Variants in PTPRT observed in about 807,000 individuals in gnomAD.
PTPRT encodes protein tyrosine phosphatase receptor type T.
PTPRT carries 56 observed loss-of-function variants against 176.8 expected under a neutral mutation model. That is an observed-to-expected ratio of 0.32 (90% CI 0.26 to 0.40). The LOEUF (loss-of-function observed/expected upper bound fraction) is 0.40. PTPRT is among the 10% of genes least tolerant of loss of function. The pLI is 1.00. For missense variants in PTPRT, 1,540 were observed against 1,908.2 expected, an observed-to-expected ratio of 0.81 and a Z score of 3.60; for synonymous variants, 783 against 739.0, an observed-to-expected ratio of 1.06 and a Z score of -0.96.
chr20:42,893,105 A>C (rs2079223887), intron 1 of PTPRT, among the ~76,000 whole-genome samples: 1 of 152,150 alleles, frequency 6.6e-6, no homozygotes, highest in Admixed American at 6.5e-5. Context: ...AAATTTTCGC[A>C]ACCTACTCAT....
chr20:42,765,116 C>T (rs1034713026), intron 5 of PTPRT, among the ~76,000 whole-genome samples: 7 of 151,840 alleles, frequency 4.6e-5, no homozygotes, highest in African/African-American at 1.5e-4. Context: ...TGTCTGAAAA[C>T]ATACACTGTC....
intron 1 of PTPRT, among the ~76,000 whole-genome samples, chr20:43,083,367 T>TATATATATAC (rs2011517626): frequency 8.5e-6 from 1 of 116,998 alleles, no homozygotes; most frequent in Non-Finnish European, 1.7e-5. Context: ...TATATATATA[T>TATATATATAC]ATACATTTTT....
chr20:43,090,559 C>T (rs1040316088), intron 1 of PTPRT, among the ~76,000 whole-genome samples: 26 of 151,928 alleles, frequency 1.7e-4, no homozygotes, highest in South Asian at 6.2e-4. Context: ...TGAGCCACCG[C>T]GCCCAGCCAC....
chr20:42,899,762 T>C (rs946569640), intron 1 of PTPRT, among the ~76,000 whole-genome samples: 15 of 152,152 alleles, frequency 9.9e-5, no homozygotes, highest in African/African-American at 3.6e-4. Context: ...ATGAATGAAA[T>C]AGAATATGAT....
At chr20:42,833,604 A>C (rs968129559) in intron 2 of PTPRT, among the ~76,000 whole-genome samples, 4 of 151,854 alleles carry the variant, frequency 2.6e-5, no homozygotes, top group Non-Finnish European at 2.9e-5. Flanking sequence ...AAAAGACTAA[A>C]CATTTACAAG....
chr20:42,200,765 G>C (rs953323251), intron 15 of PTPRT, among the ~76,000 whole-genome samples: 2 of 152,104 alleles, frequency 1.3e-5, no homozygotes, highest in African/African-American at 4.8e-5. Flanking sequence ...CACATGAAAG[G>C]CTATAGGTTA....
chr20:42,771,640 G>T, intron 4 of PTPRT, 90 bp from the exon 5 acceptor site: 1 of 1,015,980 alleles, frequency 9.8e-7, no homozygotes, highest in Non-Finnish European at 1.5e-6. Flanking sequence ...GATGGGCACT[G>T]GGCAGGGTGG....
chr20:42,210,831 T>G (rs2055605201), intron 15 of PTPRT, among the ~76,000 whole-genome samples: 1 of 152,150 alleles, frequency 6.6e-6, no homozygotes, highest in South Asian at 2.1e-4. Context: ...AGAGCCCACA[T>G]CGCCAAGTCA....
intron 6 of PTPRT, among the ~76,000 whole-genome samples, chr20:42,699,629 G>A (rs953925925): frequency 1.3e-5 from 2 of 152,162 alleles, no homozygotes; most frequent in African/African-American, 4.8e-5. Context: ...AAAGACTTTA[G>A]TGTGGGAAAC....
At chr20:42,107,484 T>C (rs145522624) in intron 23 of PTPRT, among the ~76,000 whole-genome samples, 23 of 152,350 alleles carry the variant, frequency 1.5e-4, no homozygotes, top group African/African-American at 4.3e-4. Flanking sequence ...TCAAGTTTCT[T>C]GATACATACT....
chr20:42,490,439 T>C (rs937108956), intron 7 of PTPRT, among the ~76,000 whole-genome samples: 5 of 152,186 alleles, frequency 3.3e-5, no homozygotes, highest in African/African-American at 9.6e-5. Context: ...TTATATATTC[T>C]TAGACTACTT....
chr20:43,101,500 T>G (rs2012390207), intron 1 of PTPRT, among the ~76,000 whole-genome samples: 1 of 152,120 alleles, frequency 6.6e-6, no homozygotes. Context: ...GCGTACCTCA[T>G]AGCTCTAATG....
chr20:42,995,794 C>A (rs935400402), intron 1 of PTPRT, among the ~76,000 whole-genome samples: 4 of 152,036 alleles, frequency 2.6e-5, no homozygotes, highest in African/African-American at 7.2e-5. Context: ...TATTGTGACA[C>A]CAATCCAACC....
intron 7 of PTPRT, among the ~76,000 whole-genome samples, chr20:42,477,509 C>G (rs1158687639): frequency 6.6e-6 from 1 of 152,148 alleles, no homozygotes; most frequent in African/African-American, 2.4e-5. Context: ...CCTCATCTGC[C>G]AAACCCAGCT....
intron 1 of PTPRT, among the ~76,000 whole-genome samples, chr20:42,914,169 G>C (rs1192639146): frequency 1.3e-5 from 2 of 152,100 alleles, no homozygotes; most frequent in East Asian, 3.9e-4. Flanking sequence ...CTCAGGAAAG[G>C]GATTTGTGGA....
chr20:42,135,854 A>G (rs985566886), intron 18 of PTPRT, among the ~76,000 whole-genome samples: 3 of 152,154 alleles, frequency 2.0e-5, no homozygotes, highest in Non-Finnish European at 4.4e-5. Flanking sequence ...GCTTCTTTAT[A>G]GAGTTGTAGG....
At chr20:43,059,837 G>T (rs1437605794) in intron 1 of PTPRT, among the ~76,000 whole-genome samples, 1 of 151,924 alleles carries the variant, frequency 6.6e-6, no homozygotes, top group Admixed American at 6.6e-5. Context: ...AAATTACCTG[G>T]GCATGGTGGT....
intron 2 of PTPRT, among the ~76,000 whole-genome samples, chr20:42,808,385 AAC>A (rs1452957817): frequency 6.6e-6 from 1 of 152,174 alleles, no homozygotes; most frequent in African/African-American, 2.4e-5. Flanking sequence ...GTTCTTTAAA[AAC>A]ACACAGGAAT....
intron 7 of PTPRT, among the ~76,000 whole-genome samples, chr20:42,607,942 T>C (rs1021502481): frequency 1.3e-5 from 2 of 152,182 alleles, no homozygotes; most frequent in Non-Finnish European, 2.9e-5. Flanking sequence ...GGCATCCTCA[T>C]GTGGACCAGA....
Sources: gnomAD v4.1 joint callset for allele counts (sites outside exome capture counted in the v4.1 genomes callset) on GRCh38, gnomAD v4.1.1 for gene constraint, MANE v1.5 for transcripts, NCBI Gene and HGNC (gene_info 2026-07-23, HGNC 2026-07-21) for gene names.